NREP: variants seen among roughly 807,000 people sequenced by gnomAD.
NREP encodes the protein neuronal regeneration-related protein.
In NREP, 5 loss-of-function variants were observed where a neutral mutation model predicts 8.6. The observed-to-expected ratio is 0.58, with a 90% CI of 0.30 to 1.22. NREP has a LOEUF of 1.22. Ranked by LOEUF, NREP falls within the 50% of genes most tolerant of loss-of-function variation. The pLI, the probability that NREP is intolerant of heterozygous loss-of-function variation, is 0.07. For missense variants in NREP, 86 were observed against 82.5 expected (o/e 1.04, Z -0.17); for synonymous variants, 27 against 28.0 (o/e 0.96, Z 0.11).
Position 111,765,614 on chromosome 5 carries a change from G to A in NREP, c.136-30107C>T, listed in dbSNP as rs1013640607. ...ACAGTGTAAGCCGCGGAGCTGGGATGTGAACCCAAGAAGTTTGGCTCCAGA... is the reference window on the plus strand; with the variant it reads ...ACAGTGTAAGCCGCGGAGCTGGGATATGAACCCAAGAAGTTTGGCTCCAGA... On this transcript the variant is annotated intron_variant, in intron 2 of 3. Transcript: ENST00000395634. Among the ~76,000 whole-genome samples, 3 of 152,242 alleles carry A rather than the reference G, an allele frequency of 2.0e-5. No homozygotes were observed. The East Asian group carries it at 5.8e-4, about 29-fold the overall frequency.
At chr5:111,758,307 C>G (rs1750863415), upstream of NREP, 1 of 954,822 alleles carries the variant, frequency 1.0e-6, no homozygotes, top group African/African-American at 1.8e-5. Flanking sequence ...TCCCCTGGTG[C>G]TTCCTTCTCC....
At chr5:111,958,660 A>G (rs1756395665) in intron 2 of NREP, among the ~76,000 whole-genome samples, 1 of 151,828 alleles carries the variant, frequency 6.6e-6, no homozygotes, top group Non-Finnish European at 1.5e-5. Context: ...GAAGAATTAA[A>G]TAATTAGAAA....
chr5:111,850,724 C>A (rs940038348), intron 2 of NREP, among the ~76,000 whole-genome samples: 1 of 152,094 alleles, frequency 6.6e-6, no homozygotes, highest in African/African-American at 2.4e-5. Flanking sequence ...CTTTACTACC[C>A]TTTTTGAAAT....
intron 2 of NREP, among the ~76,000 whole-genome samples, chr5:111,816,358 A>G (rs1461726433): frequency 2.0e-5 from 3 of 152,188 alleles, no homozygotes; most frequent in Non-Finnish European, 4.4e-5. Flanking sequence ...GAAGGTAAAT[A>G]TAAATGAATA....
chr5:111,731,125 A>G, intron 3 of NREP, 79 bp from the exon 4 acceptor site: 1 of 1,546,314 alleles, frequency 6.5e-7, no homozygotes, highest in Non-Finnish European at 8.7e-7. Context: ...CCATTTTTTA[A>G]AATTTTGCTT....
intron 2 of NREP, among the ~76,000 whole-genome samples, chr5:111,746,151 A>T (rs944256697): frequency 6.6e-6 from 1 of 152,138 alleles, no homozygotes; most frequent in Non-Finnish European, 1.5e-5. Context: ...AACAAATTTA[A>T]TTGGATTTCT....
intron 2 of NREP, among the ~76,000 whole-genome samples, chr5:111,767,100 GA>G (rs1256956462): frequency 7.2e-5 from 11 of 152,106 alleles, no homozygotes; most frequent in African/African-American, 2.7e-4. Context: ...ACATCTTCAG[GA>G]ATTTAAGCAG....
At chr5:111,793,486 G>A (rs1400344153) in intron 2 of NREP, among the ~76,000 whole-genome samples, 1 of 152,130 alleles carries the variant, frequency 6.6e-6, no homozygotes, top group East Asian at 1.9e-4. Context: ...CCCTTCCTCT[G>A]CCTTTTTCTT....
At chr5:111,738,986 C>G (rs1749407325) in intron 2 of NREP, 1 of 152,252 alleles carries the variant, frequency 6.6e-6, no homozygotes, top group Non-Finnish European at 1.5e-5. Flanking sequence ...AGAAACCAAC[C>G]CTGCCAACAT....
chr5:111,938,984 C>G (rs1005559993), intron 2 of NREP, among the ~76,000 whole-genome samples: 1 of 151,980 alleles, frequency 6.6e-6, no homozygotes, highest in African/African-American at 2.4e-5. Flanking sequence ...ATCAGTCCAT[C>G]GATTACTGGA....
intron 2 of NREP, among the ~76,000 whole-genome samples, chr5:111,966,079 G>T (rs1756636582): frequency 6.6e-6 from 1 of 152,166 alleles, no homozygotes; most frequent in Non-Finnish European, 1.5e-5. Context: ...TAATCTAGCA[G>T]AACTTTGTGT....
intron 2 of NREP, among the ~76,000 whole-genome samples, chr5:111,871,400 G>A (rs1753787768): frequency 6.6e-6 from 1 of 152,164 alleles, no homozygotes; most frequent in Non-Finnish European, 1.5e-5. Flanking sequence ...TGCAGGACTA[G>A]AAGTTGCTCT....
intron 2 of NREP, among the ~76,000 whole-genome samples, chr5:111,890,627 G>A (rs931454699): frequency 3.3e-5 from 5 of 152,226 alleles, no homozygotes; most frequent in Non-Finnish European, 5.9e-5. Flanking sequence ...CTCAATTGTT[G>A]TACTCTGTGC....
chr5:111,885,488 A>G (rs529390662), intron 2 of NREP, among the ~76,000 whole-genome samples: 20 of 152,318 alleles, frequency 1.3e-4, no homozygotes, highest in African/African-American at 3.4e-4. Flanking sequence ...TAAAGTTCAT[A>G]TGGAACCAAA....
intron 2 of NREP, among the ~76,000 whole-genome samples, chr5:111,863,669 G>A (rs1490524277): frequency 6.6e-6 from 1 of 152,070 alleles, no homozygotes; most frequent in East Asian, 1.9e-4. Flanking sequence ...ACTGAATCAA[G>A]GTAAAGTAAG....
intron 2 of NREP, among the ~76,000 whole-genome samples, chr5:111,796,829 C>T (rs938236597): frequency 1.3e-5 from 2 of 152,134 alleles, no homozygotes; most frequent in African/African-American, 2.4e-5. Flanking sequence ...AGCTTAAAAT[C>T]ACATTGCAGA....
chr5:111,941,726 T>C (rs1755834846), intron 2 of NREP, among the ~76,000 whole-genome samples: 1 of 152,062 alleles, frequency 6.6e-6, no homozygotes, highest in Non-Finnish European at 1.5e-5. Context: ...GGAATGGGAT[T>C]GATAATAAAA....
At chr5:111,917,435 C>A (rs1398750348) in intron 2 of NREP, among the ~76,000 whole-genome samples, 1 of 152,092 alleles carries the variant, frequency 6.6e-6, no homozygotes, top group Non-Finnish European at 1.5e-5. Context: ...AATATCCCTG[C>A]TGAACACCAA....
At chr5:111,765,713 C>T (rs766444173) in intron 2 of NREP, among the ~76,000 whole-genome samples, 1 of 152,198 alleles carries the variant, frequency 6.6e-6, no homozygotes, top group Non-Finnish European at 1.5e-5. Context: ...ATCCAATGGA[C>T]ATGATTAGGG....
Sources: gnomAD v4.1 joint callset for allele counts (sites outside exome capture counted in the v4.1 genomes callset) on GRCh38, gnomAD v4.1.1 for gene constraint, MANE v1.5 for transcripts, NCBI Gene and HGNC (gene_info 2026-07-23, HGNC 2026-07-21) for gene names.